The following KMT5B variants were observed in gnomAD, a reference collection of about 807,000 sequenced individuals.
KMT5B encodes lysine methyltransferase 5B.
A neutral mutation model predicts 83.2 loss-of-function variants in KMT5B; 10 were observed. The observed-to-expected ratio is 0.12, with a 90% CI of 0.07 to 0.20. The LOEUF (loss-of-function observed/expected upper bound fraction) is 0.20. Ranked by LOEUF, KMT5B falls within the 10% of genes least tolerant of loss-of-function variation. The pLI, the probability that KMT5B is intolerant of heterozygous loss-of-function variation, is 1.00. For synonymous variants in KMT5B, 349 were observed against 388.8 expected (o/e 0.90, Z 1.20); for missense variants, 753 against 1,067.2 (o/e 0.71, Z 4.10).
At chr11:68,203,087 T>G (rs1225664471) in intron 1 of KMT5B, among the ~76,000 whole-genome samples, 2 of 152,168 alleles carry the variant, frequency 1.3e-5, no homozygotes, top group South Asian at 2.1e-4. Context: ...GGGATTCTCC[T>G]GCCTCAGCCT....
chr11:68,174,738 T>G (rs974906598), intron 5 of KMT5B, among the ~76,000 whole-genome samples: 1 of 152,120 alleles, frequency 6.6e-6, no homozygotes, highest in African/African-American at 2.4e-5. Flanking sequence ...AGATGGAGTC[T>G]TGCTATGTTG....
intron 1 of KMT5B, among the ~76,000 whole-genome samples, chr11:68,211,913 A>G (rs528227520): frequency 2.9e-4 from 44 of 152,340 alleles, no homozygotes; most frequent in African/African-American, 1.0e-3. Flanking sequence ...ACCTGGGAAT[A>G]TAAGGCGCTC....
intron 1 of KMT5B, among the ~76,000 whole-genome samples, chr11:68,206,069 A>G (rs999920312): frequency 6.6e-6 from 1 of 152,232 alleles, no homozygotes; most frequent in Non-Finnish European, 1.5e-5. Context: ...GTCATGTAAG[A>G]AAGACTTCAT....
In KMT5B at chr11:68,179,599, T is replaced by A. The variant is rs548448251; in HGVS notation, c.377+533A>T. ...TGTGCTACTGTGCCCTTCATTAGCA[T>A]GCACAATCAAGAGCTGACTGGAGGG... is the stretch of plus-strand genomic sequence containing the variant. On this transcript the variant is annotated intron_variant, in intron 4 of 10. Transcript: ENST00000304363. 3.8e-6 allele frequency: 5 copies of A among 1,301,646 alleles called. No homozygotes were observed. In the Admixed American group the frequency reaches 9.2e-5, roughly 24 times the overall value. 80.6% of individuals were successfully genotyped at this position (1,301,646 alleles called of 1,614,324 possible). A position where few individuals can be genotyped will look rare whatever the true frequency, so the allele number is the denominator to read the frequency against.
At chr11:68,208,267 T>C (rs1860424032) in intron 1 of KMT5B, among the ~76,000 whole-genome samples, 3 of 151,632 alleles carry the variant, frequency 2.0e-5, no homozygotes, top group Non-Finnish European at 4.4e-5. Flanking sequence ...GCCAACATGG[T>C]GAAACCCCGT....
chr11:68,199,280 T>A (rs1419990768), intron 1 of KMT5B, among the ~76,000 whole-genome samples: 1 of 152,156 alleles, frequency 6.6e-6, no homozygotes, highest in Non-Finnish European at 1.5e-5. Context: ...AATTAACGAA[T>A]GAATGTCGGC....
At chr11:68,200,745 T>C (rs1442962214) in intron 1 of KMT5B, among the ~76,000 whole-genome samples, 3 of 152,198 alleles carry the variant, frequency 2.0e-5, no homozygotes, top group Non-Finnish European at 4.4e-5. Flanking sequence ...ATACAGATGA[T>C]CTGAGTAGGA....
At position 68,158,095 on chromosome 11, in the gene KMT5B, G is replaced by T. The variant is rs746390007; in HGVS notation, c.2251C>A (p.His751Asn). 7.4e-6 allele frequency: 12 copies of T among 1,614,104 alleles called. No individual in the cohort carries two copies. The highest frequency in any genetic ancestry group is 1.7e-5 in the Admixed American group (1 of 60,012). The change falls in exon 11 of 11, where the codon CAT (histidine) becomes AAT (asparagine). Residue 751 changes from histidine (H) to asparagine (N), a missense_variant. This residue lies in a region of KMT5B where 161 missense variants were observed against 195.1 expected (regional missense o/e 0.83). Transcript: ENST00000304363. ...ACATAGAGATTGTTATCGTTGTCAT[G>T]GTCTTTGCTTAACTTGATGCTTATT... ...SKISIKLSKD[H>N]DNDNNLYVAK...
Position 68,157,575 on chromosome 11 carries a change from A to G in KMT5B, c.*113T>C, listed in dbSNP as rs528090915. The G allele has an allele frequency of 2.8e-6, 4 of 1,420,874 alleles. No homozygotes were observed. The South Asian group carries it at 5.0e-5, about 18-fold the overall frequency. The allele number at this position is 1,420,874 out of a possible 1,614,324, so 88.0% of individuals were successfully genotyped here. A position where few individuals can be genotyped will look rare whatever the true frequency, so the allele number is the denominator to read the frequency against. The stretch of plus-strand genomic sequence containing the variant: ...GTACACTTTCTACAATAGTATGCTG[A>G]TAAGTGAAGGGACAATAGAAGTGCT... On this transcript the variant is annotated 3_prime_UTR_variant, in exon 11 of 11. Transcript: ENST00000304363.
intron 2 of KMT5B, among the ~76,000 whole-genome samples, chr11:68,189,452 G>T (rs1215601467): frequency 6.6e-6 from 1 of 152,184 alleles, no homozygotes; most frequent in Non-Finnish European, 1.5e-5. Flanking sequence ...TGATTTGTGA[G>T]GCTGCCCTAA....
intron 1 of KMT5B, among the ~76,000 whole-genome samples, chr11:68,194,157 T>C (rs1366198367): frequency 6.6e-6 from 1 of 150,540 alleles, no homozygotes; most frequent in Non-Finnish European, 1.5e-5. Flanking sequence ...GGCATTCAAA[T>C]CCTAGCACTT....
intron 3 of KMT5B, among the ~76,000 whole-genome samples, chr11:68,185,487 C>T (rs142707441): frequency 1.3e-3 from 194 of 152,320 alleles, no homozygotes; most frequent in African/African-American, 4.4e-3. Context: ...GGATTACAGG[C>T]GTGAGCCACC....
intron 1 of KMT5B, among the ~76,000 whole-genome samples, chr11:68,202,577 C>G (rs1482931342): frequency 7.9e-6 from 1 of 126,274 alleles, no homozygotes; most frequent in Non-Finnish European, 1.6e-5. Context: ...GAGACAAACT[C>G]TCACTCTGTT....
In KMT5B at chr11:68,158,948, A is replaced by C; in HGVS notation, c.1398T>G (p.Ala466=). Reference sequence around the variant, plus strand: ...AGTTTCCCATTTCGAGTTTTCTTGAAGCATTCTTTTGCTCCAGCCGCTTGC... The same window carrying C: ...AGTTTCCCATTTCGAGTTTTCTTGACGCATTCTTTTGCTCCAGCCGCTTGC... ...NHCKRLEQKN[A]SRKLEMGNLV... Residue 466 remains alanine (A), a synonymous_variant, in exon 11 of 11, where the codon GCT becomes GCG. Coordinates refer to ENST00000304363, the MANE Select transcript of KMT5B (RefSeq NM_017635.5). 6.2e-7 allele frequency: 1 copy of C among 1,613,666 alleles called. No individual in the cohort carries two copies. The highest frequency in any genetic ancestry group is 1.1e-5 in the South Asian group (1 of 90,942).
chr11:68,165,361 G>A (rs1254606590), intron 10 of KMT5B, among the ~76,000 whole-genome samples: 1 of 152,166 alleles, frequency 6.6e-6, no homozygotes, highest in African/African-American at 2.4e-5. Context: ...AAAATTAGCT[G>A]GATGCGGTGG....
chr11:68,169,856 T>A (rs1052315450), intron 9 of KMT5B, among the ~76,000 whole-genome samples: 6 of 151,446 alleles, frequency 4.0e-5, no homozygotes, highest in African/African-American at 1.5e-4. Context: ...CTAACCAACA[T>A]GTGAATAATT....
chr11:68,202,037 A>G (rs1475076079), intron 1 of KMT5B, among the ~76,000 whole-genome samples: 1 of 152,154 alleles, frequency 6.6e-6, no homozygotes, highest in Admixed American at 6.5e-5. Context: ...ACTGCACTCT[A>G]GCCTAGGTGA....
chr11:68,189,848 A>T (rs866872172), intron 2 of KMT5B, 69 bp downstream of exon 2: 1 of 1,464,324 alleles, frequency 6.8e-7, no homozygotes, highest in Non-Finnish European at 9.2e-7. Context: ...CAGAATACAC[A>T]TTACAAACTG....
chr11:68,161,731 C>T (rs756818720), intron 10 of KMT5B, among the ~76,000 whole-genome samples: 17 of 152,154 alleles, frequency 1.1e-4, no homozygotes, highest in Non-Finnish European at 2.1e-4. Context: ...TCTCCTGGTT[C>T]CCTTCTCCAT....
Sources: gnomAD v4.1 joint callset for allele counts (sites outside exome capture counted in the v4.1 genomes callset) on GRCh38, gnomAD v4.1.1 for gene constraint, gnomAD v4.1.1 regional missense constraint, MANE v1.5 for transcripts, NCBI Gene and HGNC (gene_info 2026-07-23, HGNC 2026-07-21) for gene names.